Variants in LRP1B observed in about 807,000 individuals in gnomAD.
LRP1B encodes LDL receptor related protein 1B, also known as low-density lipoprotein receptor-related protein 1B.
In LRP1B, 217 loss-of-function variants were observed where a neutral mutation model predicts 556.6. The ratio of observed to expected loss-of-function variants is 0.39; its 90% CI spans 0.35 to 0.44. The LOEUF (loss-of-function observed/expected upper bound fraction) is 0.44. Ranked by LOEUF, LRP1B falls within the 20% of genes least tolerant of loss-of-function variation. LRP1B has a pLI of 1.00. For synonymous variants in LRP1B, 2,047 were observed against 1,865.8 expected, an observed-to-expected ratio of 1.10 and a Z score of -2.50; for missense variants, 5,053 against 5,620.8, an observed-to-expected ratio of 0.90 and a Z score of 3.23.
At chr2:141,323,875 A>G (rs1687331962) in intron 3 of LRP1B, among the ~76,000 whole-genome samples, 1 of 150,754 alleles carries the variant, frequency 6.6e-6, no homozygotes, top group Admixed American at 6.7e-5. Flanking sequence ...ATACACACAT[A>G]CCTGAACAAG....
rs530608708 is a variant in LRP1B at position 141,372,766 on chromosome 2, T to C, written c.343+107630A>G. Among the ~76,000 whole-genome samples, 160 of 152,178 alleles carry C rather than the reference T, an allele frequency of 1.1e-3. 1 individual carries two copies. The highest frequency in any genetic ancestry group is 3.8e-3 in the African/African-American group (159 of 41,558). ...CTGTTTATTTACATCTTCTCTCTTC[T>C]TGGTTAGTCTAGCTAGTGGTTTATT... is the stretch of plus-strand genomic sequence containing the variant. On this transcript the variant is annotated intron_variant, in intron 3 of 90. Coordinates refer to ENST00000389484, the MANE Select transcript of LRP1B (RefSeq NM_018557.3).
chr2:141,273,754 T>C (rs1553486173), intron 3 of LRP1B, among the ~76,000 whole-genome samples: 1 of 152,144 alleles, frequency 6.6e-6, no homozygotes, highest in Non-Finnish European at 1.5e-5. Context: ...GTATTTATGC[T>C]TCAAATAACA....
chr2:141,399,628 TAAGCAAGA>T (rs1021610162), intron 3 of LRP1B, among the ~76,000 whole-genome samples: 2 of 152,194 alleles, frequency 1.3e-5, no homozygotes, highest in African/African-American at 4.8e-5. Flanking sequence ...TGCAAGCAAG[TAAGCAAGA>T]AAGGCTGAAG....
chr2:142,068,527 GCTC>G (rs758876615), intron 1 of LRP1B, among the ~76,000 whole-genome samples: 6 of 151,514 alleles, frequency 4.0e-5, no homozygotes, highest in Non-Finnish European at 7.4e-5. Flanking sequence ...GTAGGGGTCA[GCTC>G]CTCATCTGTA....
At chr2:141,087,685 C>T (rs919855066) in intron 7 of LRP1B, among the ~76,000 whole-genome samples, 1 of 152,066 alleles carries the variant, frequency 6.6e-6, no homozygotes, top group African/African-American at 2.4e-5. Flanking sequence ...CTAACATCTG[C>T]TAGAGGAAAT....
chr2:140,271,373 C>CT (rs572099870), intron 85 of LRP1B, among the ~76,000 whole-genome samples: 14 of 151,984 alleles, frequency 9.2e-5, no homozygotes, highest in African/African-American at 3.4e-4. Flanking sequence ...AAAAATCAGG[C>CT]TACAATATCG....
intron 1 of LRP1B, among the ~76,000 whole-genome samples, chr2:141,940,992 C>G (rs1338662028): frequency 6.6e-6 from 1 of 152,168 alleles, no homozygotes; most frequent in South Asian, 2.1e-4. Flanking sequence ...AAATGAATAA[C>G]TTGAATTCAT....
At chr2:141,625,457 C>T (rs1418434245) in intron 2 of LRP1B, among the ~76,000 whole-genome samples, 1 of 152,044 alleles carries the variant, frequency 6.6e-6, no homozygotes, top group Non-Finnish European at 1.5e-5. Context: ...TTATCTACTC[C>T]GTACATTTTT....
intron 3 of LRP1B, among the ~76,000 whole-genome samples, chr2:141,372,516 T>A (rs1451498228): frequency 6.6e-6 from 1 of 151,990 alleles, no homozygotes; most frequent in Non-Finnish European, 1.5e-5. Context: ...GTCCTGGCGT[T>A]TTTTAGGGGT....
chr2:140,470,214 A>G (rs1260712169), intron 60 of LRP1B, among the ~76,000 whole-genome samples: 1 of 152,234 alleles, frequency 6.6e-6, no homozygotes, highest in Non-Finnish European at 1.5e-5. Context: ...AATCTTTATG[A>G]TAACACTCAG....
At chr2:141,650,563 G>A (rs931124445) in intron 2 of LRP1B, among the ~76,000 whole-genome samples, 4 of 152,208 alleles carry the variant, frequency 2.6e-5, no homozygotes, top group Admixed American at 2.6e-4. Context: ...GGATAGGGAA[G>A]AGGCAAGGGT....
intron 2 of LRP1B, among the ~76,000 whole-genome samples, chr2:141,690,442 A>ATAT (rs1691483707): frequency 2.4e-5 from 2 of 82,278 alleles, no homozygotes; most frequent in African/African-American, 4.3e-5. Context: ...TATATATATA[A>ATAT]TTACAAATAT....
chr2:140,925,147 A>G (rs911759739), intron 20 of LRP1B, among the ~76,000 whole-genome samples: 4 of 152,150 alleles, frequency 2.6e-5, no homozygotes, highest in Non-Finnish European at 5.9e-5. Context: ...ATCATTTCAT[A>G]TAAGAAACTT....
chr2:141,504,669 G>A (rs1392727451), intron 2 of LRP1B, among the ~76,000 whole-genome samples: 1 of 152,074 alleles, frequency 6.6e-6, no homozygotes, highest in Non-Finnish European at 1.5e-5. Flanking sequence ...AATCACCAAA[G>A]GATCAAGAAC....
At chr2:140,752,091 C>T (rs996551916) in intron 35 of LRP1B, among the ~76,000 whole-genome samples, 103 of 151,880 alleles carry the variant, frequency 6.8e-4, no homozygotes, top group African/African-American at 2.3e-3. Flanking sequence ...GCAAGGCGGG[C>T]GGATCACGAG....
intron 1 of LRP1B, among the ~76,000 whole-genome samples, chr2:141,952,141 G>A (rs1163280704): frequency 1.3e-5 from 2 of 151,494 alleles, no homozygotes; most frequent in African/African-American, 2.4e-5. Context: ...CAGAATGATG[G>A]TTTCCAGCTT....
At chr2:140,714,376 G>T (rs1396529640) in intron 37 of LRP1B, among the ~76,000 whole-genome samples, 1 of 152,068 alleles carries the variant, frequency 6.6e-6, no homozygotes, top group African/African-American at 2.4e-5. Context: ...ACAAGTAGGT[G>T]TAGTCATAGG....
chr2:140,648,337 A>G (rs565565460), intron 41 of LRP1B, among the ~76,000 whole-genome samples: 1 of 152,262 alleles, frequency 6.6e-6, no homozygotes, highest in East Asian at 1.9e-4. Flanking sequence ...TACCTAATGT[A>G]GATGACGAGT....
At chr2:140,280,277 A>T (rs1175426387) in intron 84 of LRP1B, among the ~76,000 whole-genome samples, 7 of 151,800 alleles carry the variant, frequency 4.6e-5, no homozygotes, top group Non-Finnish European at 1.0e-4. Flanking sequence ...GCACTAAAAT[A>T]AAGTTGGAAA....
Sources: allele counts gnomAD v4.1 joint callset (sites outside exome capture counted in the v4.1 genomes callset), GRCh38; gene constraint gnomAD v4.1.1; transcripts MANE v1.5; gene names NCBI Gene and HGNC (gene_info 2026-07-23, HGNC 2026-07-21).